ETS1: variants seen among roughly 807,000 people sequenced by gnomAD.
ETS1 encodes the protein protein C-ets-1.
ETS1 carries 15 observed loss-of-function variants against 58.6 expected under a neutral mutation model. The ratio of observed to expected loss-of-function variants is 0.26; its 90% confidence interval spans 0.17 to 0.39. The LOEUF is 0.39. Among genes scored for constraint, ETS1 ranks in the 10% least tolerant of loss-of-function variants. ETS1 has a pLI of 1.00. For missense variants in ETS1, 417 were observed against 610.5 expected (o/e 0.68, Z 3.34); for synonymous variants, 214 against 218.2 (o/e 0.98, Z 0.17).
intron 3 of ETS1, among the ~76,000 whole-genome samples, chr11:128,538,807 C>T (rs1864012118): frequency 6.6e-6 from 1 of 151,828 alleles, no homozygotes; most frequent in African/African-American, 2.4e-5. Flanking sequence ...CAGGTTTGAA[C>T]TCAGGTATCC....
intron 2 of ETS1, among the ~76,000 whole-genome samples, chr11:128,557,984 C>T (rs1864340972): frequency 6.6e-6 from 1 of 152,170 alleles, no homozygotes; most frequent in South Asian, 2.1e-4. Context: ...GTAAAAATAA[C>T]AGAAGAGAAT....
chr11:128,536,222 T>C (rs1357757355), intron 3 of ETS1, among the ~76,000 whole-genome samples: 2 of 152,208 alleles, frequency 1.3e-5, no homozygotes, highest in South Asian at 2.1e-4. Flanking sequence ...CATGTATACA[T>C]GTATACAAAG....
At chr11:128,510,228 C>T (rs547000173) in intron 3 of ETS1, among the ~76,000 whole-genome samples, 1 of 152,360 alleles carries the variant, frequency 6.6e-6, no homozygotes, top group South Asian at 2.1e-4. Flanking sequence ...CTCCTTGAAT[C>T]ACCAAAGACT....
intron 3 of ETS1, among the ~76,000 whole-genome samples, chr11:128,508,681 TAA>T (rs1014845619): frequency 6.6e-6 from 1 of 152,208 alleles, no homozygotes; most frequent in African/African-American, 2.4e-5. Flanking sequence ...GCCTGTGGCA[TAA>T]ATAAATCCAC....
intron 3 of ETS1, among the ~76,000 whole-genome samples, chr11:128,514,929 C>A (rs2135506881): frequency 6.6e-6 from 1 of 152,218 alleles, no homozygotes; most frequent in African/African-American, 2.4e-5. Flanking sequence ...TCCTTTCATT[C>A]ATTCTTTCAT....
At chr11:128,467,843 TAGA>T (rs1230404351) in intron 8 of ETS1, among the ~76,000 whole-genome samples, 7 of 152,192 alleles carry the variant, frequency 4.6e-5, no homozygotes, top group African/African-American at 1.7e-4. Context: ...GGGTCCCTGT[TAGA>T]AGGAGGTCTC....
At chr11:128,511,869 G>A (rs575691833) in intron 3 of ETS1, among the ~76,000 whole-genome samples, 1 of 152,278 alleles carries the variant, frequency 6.6e-6, no homozygotes, top group Admixed American at 6.5e-5. Flanking sequence ...ACCTTGGGAG[G>A]GTAACTTGGC....
At chr11:128,531,742 C>T (rs1415386281) in intron 3 of ETS1, among the ~76,000 whole-genome samples, 1 of 152,198 alleles carries the variant, frequency 6.6e-6, no homozygotes, top group Non-Finnish European at 1.5e-5. Flanking sequence ...GTTCTCCACT[C>T]TCTGGATTGC....
chr11:128,490,707 G>A (rs1862772539), intron 3 of ETS1, 131 bp from the exon 4 acceptor site: 2 of 570,922 alleles, frequency 3.5e-6, no homozygotes, highest in Non-Finnish European at 6.0e-6. Flanking sequence ...GAGCACCAGA[G>A]CAGGCAATTT....
chr11:128,542,975 C>T (rs1864077871), intron 3 of ETS1, among the ~76,000 whole-genome samples: 1 of 152,080 alleles, frequency 6.6e-6, no homozygotes, highest in Admixed American at 6.5e-5. Flanking sequence ...GAGTTCAGGA[C>T]CAGCCTGGCT....
intron 2 of ETS1, among the ~76,000 whole-genome samples, chr11:128,571,393 G>A (rs762579024): frequency 7.3e-5 from 11 of 150,564 alleles, no homozygotes; most frequent in Non-Finnish European, 1.3e-4. Flanking sequence ...CTCCAGCCTG[G>A]GTGACAGAGC....
In ETS1 at chr11:128,500,514, CAT is replaced by C. The variant is rs531081890; in HGVS notation, c.215-9940_215-9939del. ...CTTCTTAGAGGAAGCTGAAACCCCACATGTCTCGGTGCTACAGAAAGAAAAAC... is the reference window on the plus strand; with the variant it reads ...CTTCTTAGAGGAAGCTGAAACCCCACGTCTCGGTGCTACAGAAAGAAAAAC... On this transcript the variant is annotated intron_variant, in intron 3 of 9. Coordinates refer to ENST00000392668, the MANE Select transcript of ETS1 (RefSeq NM_001143820.2). Among the ~76,000 whole-genome samples, 282 of 152,184 alleles carry C rather than the reference CAT, an allele frequency of 1.9e-3. 2 individuals carry two copies. The highest frequency in any genetic ancestry group is 2.0e-3 in the Non-Finnish European group (137 of 67,998).
chr11:128,497,874 G>A (rs1862984301), intron 3 of ETS1, among the ~76,000 whole-genome samples: 1 of 151,716 alleles, frequency 6.6e-6, no homozygotes, highest in Non-Finnish European at 1.5e-5. Context: ...TCCGTTCCAG[G>A]ATCCCAGCCA....
intron 8 of ETS1, among the ~76,000 whole-genome samples, chr11:128,477,521 TC>T (rs1428900410): frequency 3.3e-5 from 5 of 152,138 alleles, no homozygotes; most frequent in African/African-American, 1.2e-4. Flanking sequence ...CTAGGACGCA[TC>T]TTAAATGAGG....
chr11:128,481,521 T>A (rs1371070955), intron 7 of ETS1, among the ~76,000 whole-genome samples: 1 of 152,222 alleles, frequency 6.6e-6, no homozygotes, highest in African/African-American at 2.4e-5. Flanking sequence ...TCAGATACTT[T>A]TCAAGTAACC....
rs144460474 is a variant in ETS1 at position 128,546,870 on chromosome 11, C to T, written c.214+9421G>A. Among the ~76,000 whole-genome samples, 751 of 152,224 alleles carry T rather than the reference C, an allele frequency of 4.9e-3. 8 individuals are homozygous for T. The highest frequency in any genetic ancestry group is 0.017 in the African/African-American group (701 of 41,510). On this transcript the variant is annotated intron_variant, in intron 3 of 9. Transcript: ENST00000392668. ...ACTGTGCACTAGAAAGGCCATGAGA[C>T]GCAGATCATAGTGTGACTTTTCTGT...
At position 128,464,355 on chromosome 11, in the gene ETS1, G is replaced by GACACAC. The variant is rs58228263; in HGVS notation, c.1124-734_1124-729dup. 0.025 allele frequency among the ~76,000 whole-genome samples: 3,686 copies of GACACAC among 144,962 alleles called. 40 individuals carry two copies. The highest frequency in any genetic ancestry group is 0.042 in the Middle Eastern group (12 of 288). On this transcript the variant is annotated intron_variant, in intron 8 of 9. Transcript: ENST00000392668. The surrounding 1 kb of genome is among the most constrained non-coding windows in gnomAD (Gnocchi z 4.1). ...CATAGGTTCAGTATATTCTAAATTA[G>GACACAC]ACACACACACACACACACACACACA...
chr11:128,514,718 C>A (rs1254683094), intron 3 of ETS1, among the ~76,000 whole-genome samples: 1 of 152,160 alleles, frequency 6.6e-6, no homozygotes. Context: ...CTGAGTTGTC[C>A]TGACCACCCA....
chr11:128,484,025 T>G (rs1434412951), intron 7 of ETS1, among the ~76,000 whole-genome samples: 4 of 152,212 alleles, frequency 2.6e-5, no homozygotes, highest in Non-Finnish European at 5.9e-5. Flanking sequence ...AACAAAACAA[T>G]CTGGACACTT....
Sources: allele counts gnomAD v4.1 joint callset (sites outside exome capture counted in the v4.1 genomes callset), GRCh38; gene constraint gnomAD v4.1.1; non-coding constraint Gnocchi (gnomAD v3.1); transcripts MANE v1.5; gene names NCBI Gene and HGNC (gene_info 2026-07-23, HGNC 2026-07-21).